The following GLI3 variants were observed in gnomAD, a reference collection of about 807,000 sequenced individuals.
The protein encoded by GLI3 is transcription activator GLI3.
Under a neutral mutation model 100.8 loss-of-function variants are expected in GLI3, and 20 were observed. That is an observed-to-expected ratio of 0.20 (90% CI 0.14 to 0.29). GLI3 has a LOEUF of 0.29. Ranked by LOEUF, GLI3 falls within the 10% of genes least tolerant of loss-of-function variation. The pLI is 1.00. For missense variants in GLI3, 2,040 were observed against 2,128.5 expected (o/e 0.96, Z 0.82); for synonymous variants, 938 against 860.5 (o/e 1.09, Z -1.58).
Position 41,965,248 on chromosome 7 carries a change from C to A in GLI3, c.3825G>T (p.Gly1275=). The A allele has an allele frequency of 6.2e-7, 1 of 1,613,762 alleles. No homozygotes were observed. The highest frequency in any genetic ancestry group is 8.5e-7 in the Non-Finnish European group (1 of 1,179,834). Residue 1275 remains glycine, a synonymous_variant, in exon 15 of 15, where the codon GGG becomes GGT. Transcript: ENST00000395925. ...TGCTCTTCAGCTTTGAGGCTTGAAT[C>A]CCGGCACCACAGGCACCGTCGAGTG... The part of the protein sequence containing the change: ...PGALDGACGA[G]IQASKLKSTP...
intron 3 of GLI3, among the ~76,000 whole-genome samples, chr7:42,090,223 G>A (rs1261061573): frequency 6.6e-6 from 1 of 152,216 alleles, no homozygotes; most frequent in East Asian, 1.9e-4. Flanking sequence ...CAGTGAGTGA[G>A]TGGTGAATGA....
intron 2 of GLI3, among the ~76,000 whole-genome samples, chr7:42,186,782 C>T (rs1042462989): frequency 2.7e-5 from 4 of 148,790 alleles, no homozygotes; most frequent in African/African-American, 9.7e-5. Flanking sequence ...TGGTTCTACA[C>T]CAGATCAACT....
At chr7:42,178,727 G>A (rs997617016) in intron 2 of GLI3, among the ~76,000 whole-genome samples, 1 of 152,146 alleles carries the variant, frequency 6.6e-6, no homozygotes, top group Non-Finnish European at 1.5e-5. Context: ...TTACCAGGAG[G>A]AAAGGATAGT....
chr7:42,005,458 T>TACACACACACACACACACACAC (rs3030321), intron 10 of GLI3, among the ~76,000 whole-genome samples: 4 of 143,622 alleles, frequency 2.8e-5, no homozygotes, highest in Admixed American at 2.1e-4. Flanking sequence ...TGAATTCACA[T>TACACACACACACACACACACAC]ACACACACAC....
At chr7:42,054,975 A>T (rs1463792911) in intron 4 of GLI3, among the ~76,000 whole-genome samples, 3 of 151,534 alleles carry the variant, frequency 2.0e-5, no homozygotes, top group Non-Finnish European at 4.4e-5. Flanking sequence ...AGCCTGGGCA[A>T]GAGAGTGAGA....
chr7:42,056,674 G>C (rs1258880501), intron 4 of GLI3, among the ~76,000 whole-genome samples: 1 of 152,022 alleles, frequency 6.6e-6, no homozygotes, highest in East Asian at 1.9e-4. Context: ...TTATTGGCCG[G>C]GCATAGTGGC....
chr7:42,076,661 C>A, intron 4 of GLI3, 91 bp downstream of exon 4: 2 of 823,322 alleles, frequency 2.4e-6, no homozygotes, highest in Non-Finnish European at 4.3e-6. Flanking sequence ...ATCTTCAAAG[C>A]CCAGTGGACA....
intron 3 of GLI3, among the ~76,000 whole-genome samples, chr7:42,086,977 C>G (rs1785115368): frequency 6.6e-6 from 1 of 152,116 alleles, no homozygotes; most frequent in Non-Finnish European, 1.5e-5. Flanking sequence ...TGAGTCCCTG[C>G]CAGGGTGCAC....
intron 3 of GLI3, among the ~76,000 whole-genome samples, chr7:42,141,663 C>G (rs1269623373): frequency 6.6e-6 from 1 of 152,008 alleles, no homozygotes; most frequent in Non-Finnish European, 1.5e-5. Flanking sequence ...CAAAGCAAGA[C>G]TCCGCCTCAA....
chr7:42,169,746 CA>C (rs1007443392), intron 2 of GLI3, among the ~76,000 whole-genome samples: 2 of 147,278 alleles, frequency 1.4e-5, no homozygotes, highest in Admixed American at 6.8e-5. Flanking sequence ...CCACAAAGCA[CA>C]AAAAAAAGAA....
At position 42,073,813 on chromosome 7, in the gene GLI3, A is replaced by T. The variant is rs1039666096; in HGVS notation, c.473+2939T>A. Reference sequence around the variant, plus strand: ...CAAATTTTGTCTTCTTAGAATTAAAAATATTGCAAAAACTTAGTACTCTTC... The same window carrying T: ...CAAATTTTGTCTTCTTAGAATTAAATATATTGCAAAAACTTAGTACTCTTC... On this transcript the variant is annotated intron_variant, in intron 4 of 14. Transcript: ENST00000395925. Among the ~76,000 whole-genome samples the T allele has an allele frequency of 2.6e-5, 4 of 152,372 alleles. No individual in the cohort carries two copies. The East Asian group carries it at 7.7e-4, about 29-fold the overall frequency.
At chr7:42,071,409 C>T (rs903485384) in intron 4 of GLI3, among the ~76,000 whole-genome samples, 4 of 152,024 alleles carry the variant, frequency 2.6e-5, no homozygotes, top group African/African-American at 9.7e-5. Flanking sequence ...AGTTTTGACC[C>T]CAAATATAAT....
At chr7:42,213,197 C>T (rs193227361) in intron 2 of GLI3, among the ~76,000 whole-genome samples, 1 of 152,248 alleles carries the variant, frequency 6.6e-6, no homozygotes, top group East Asian at 1.9e-4. Flanking sequence ...CATAATGAAA[C>T]AAGTAATATT....
intron 1 of GLI3, among the ~76,000 whole-genome samples, chr7:42,263,453 T>TTA (rs200449861): frequency 2.1e-5 from 1 of 48,158 alleles, no homozygotes; most frequent in Non-Finnish European, 4.4e-5. Flanking sequence ...TTTTATTTAT[T>TTA]TTTTTTTTTT....
chr7:42,037,033 C>T (rs1471830581), intron 7 of GLI3, among the ~76,000 whole-genome samples: 1 of 152,030 alleles, frequency 6.6e-6, no homozygotes, highest in Non-Finnish European at 1.5e-5. Flanking sequence ...TCCCAGCTAT[C>T]GGGAGGCTGA....
intron 10 of GLI3, among the ~76,000 whole-genome samples, chr7:42,011,986 C>T (rs1347430057): frequency 6.6e-6 from 1 of 152,174 alleles, no homozygotes; most frequent in African/African-American, 2.4e-5. Flanking sequence ...AGATCCCTGG[C>T]CGGGGCCATC....
At chr7:42,178,796 G>A (rs891409391) in intron 2 of GLI3, among the ~76,000 whole-genome samples, 2 of 152,158 alleles carry the variant, frequency 1.3e-5, no homozygotes, top group Non-Finnish European at 2.9e-5. Flanking sequence ...TGTTCAGTGG[G>A]ACCAGGCAAC....
At chr7:42,033,152 C>T (rs1245739427) in intron 7 of GLI3, among the ~76,000 whole-genome samples, 2 of 152,142 alleles carry the variant, frequency 1.3e-5, no homozygotes, top group Non-Finnish European at 2.9e-5. Context: ...CAAGCCCTGG[C>T]GTGAGTGGTA....
intron 2 of GLI3, among the ~76,000 whole-genome samples, chr7:42,188,598 A>G (rs1787765765): frequency 6.6e-6 from 1 of 152,248 alleles, no homozygotes; most frequent in Admixed American, 6.5e-5. Context: ...AAACTTGGAA[A>G]CAACCAAGAT....
Sources: gnomAD v4.1 joint callset for allele counts (sites outside exome capture counted in the v4.1 genomes callset) on GRCh38, gnomAD v4.1.1 for gene constraint, MANE v1.5 for transcripts, NCBI Gene and HGNC (gene_info 2026-07-23, HGNC 2026-07-21) for gene names.